Variants in C1orf21 observed in about 807,000 individuals in gnomAD.
The protein encoded by C1orf21 is chromosome 1 open reading frame 21, also known as uncharacterized protein C1orf21.
C1orf21 carries 3 observed loss-of-function variants against 18.7 expected under a neutral mutation model. The ratio of observed to expected loss-of-function variants is 0.16; its 90% confidence interval spans 0.07 to 0.42. C1orf21 has a LOEUF of 0.42. Among genes scored for constraint, C1orf21 ranks in the 10% least tolerant of loss-of-function variants. C1orf21 has a pLI of 0.99. For synonymous variants in C1orf21, 41 were observed against 46.4 expected, an observed-to-expected ratio of 0.88 and a Z score of 0.47; for missense variants, 104 against 143.6, an observed-to-expected ratio of 0.72 and a Z score of 1.41.
chr1:184,479,272 G>A (rs1333014104), intron 2 of C1orf21, among the ~76,000 whole-genome samples: 4 of 151,922 alleles, frequency 2.6e-5, no homozygotes, highest in Admixed American at 2.0e-4. Context: ...ATCCTGAAAC[G>A]CTTGACTTTT....
intron 2 of C1orf21, among the ~76,000 whole-genome samples, chr1:184,486,001 G>A (rs968923910): frequency 2.0e-5 from 3 of 152,182 alleles, no homozygotes; most frequent in African/African-American, 7.2e-5. Flanking sequence ...GAGGAACATG[G>A]TCTTGGGTTT....
At chr1:184,594,591 G>A (rs2102000774) in intron 4 of C1orf21, among the ~76,000 whole-genome samples, 1 of 152,266 alleles carries the variant, frequency 6.6e-6, no homozygotes, top group Non-Finnish European at 1.5e-5. Context: ...AATTCTCTTG[G>A]CCTTGACTCC....
At chr1:184,403,939 A>G (rs1163455388) in intron 1 of C1orf21, among the ~76,000 whole-genome samples, 1 of 152,234 alleles carries the variant, frequency 6.6e-6, no homozygotes, top group African/African-American at 2.4e-5. Context: ...GGTACCATTT[A>G]TGCAAAATAT....
At chr1:184,404,519 GGGCT>G (rs1173888395) in intron 1 of C1orf21, among the ~76,000 whole-genome samples, 5 of 152,110 alleles carry the variant, frequency 3.3e-5, no homozygotes, top group African/African-American at 1.2e-4. Context: ...GTGAGAAAGA[GGGCT>G]GGAGTTGCCC....
chr1:184,465,097 C>A (rs369291233), intron 1 of C1orf21, among the ~76,000 whole-genome samples: 1 of 152,128 alleles, frequency 6.6e-6, no homozygotes, highest in East Asian at 1.9e-4. Flanking sequence ...AAATTAGGAA[C>A]CTTGACCTTA....
intron 1 of C1orf21, among the ~76,000 whole-genome samples, chr1:184,397,919 T>C (rs1656088006): frequency 6.6e-6 from 1 of 152,218 alleles, no homozygotes; most frequent in Non-Finnish European, 1.5e-5. Context: ...ATGATTGCTA[T>C]TTGATTCCAG....
In C1orf21 at chr1:184,620,197, T is replaced by C. The variant is rs934793651; in HGVS notation, c.*641T>C. ...GGCAGGTTGTTTGATTTAATAGGTATCTTAATCAAGAATTAAGCTTGCAAC... is the reference window on the plus strand; with the variant it reads ...GGCAGGTTGTTTGATTTAATAGGTACCTTAATCAAGAATTAAGCTTGCAAC... On this transcript the variant is annotated 3_prime_UTR_variant, in exon 6 of 6. Transcript: ENST00000235307. The C allele has an allele frequency of 2.0e-5, 3 of 152,668 alleles. No individual in the cohort carries two copies. Among genetic ancestry groups the C allele is most frequent in the African/African-American group, 7.2e-5 (3 of 41,462 alleles). The allele number at this position is 152,668 out of a possible 1,614,324, so 9.5% of individuals were successfully genotyped here.
intron 2 of C1orf21, among the ~76,000 whole-genome samples, chr1:184,489,105 T>G (rs1044603596): frequency 2.6e-5 from 4 of 152,192 alleles, no homozygotes; most frequent in African/African-American, 9.6e-5. Flanking sequence ...TAAACTGTGA[T>G]TATATAAAAT....
chr1:184,457,633 T>G (rs1308240315), intron 1 of C1orf21, among the ~76,000 whole-genome samples: 1 of 152,198 alleles, frequency 6.6e-6, no homozygotes, highest in African/African-American at 2.4e-5. Context: ...TCTGGGCTTT[T>G]GCATCTGCTC....
chr1:184,416,373 TAGA>T (rs1656451514), intron 1 of C1orf21, among the ~76,000 whole-genome samples: 1 of 152,168 alleles, frequency 6.6e-6, no homozygotes, highest in Non-Finnish European at 1.5e-5. Flanking sequence ...ATCAAAATGT[TAGA>T]AGGCAGTTGA....
At chr1:184,465,825 T>C (rs1224255445) in intron 1 of C1orf21, among the ~76,000 whole-genome samples, 1 of 152,184 alleles carries the variant, frequency 6.6e-6, no homozygotes, top group Non-Finnish European at 1.5e-5. Flanking sequence ...GTCACACCTT[T>C]AGTGCTCTAT....
intron 3 of C1orf21, among the ~76,000 whole-genome samples, chr1:184,577,100 A>G (rs1659202154): frequency 6.6e-6 from 1 of 151,526 alleles, no homozygotes; most frequent in African/African-American, 2.4e-5. Context: ...ACCTATAAAT[A>G]TATTATGTTA....
At chr1:184,610,413 C>T (rs946653449) in intron 5 of C1orf21, among the ~76,000 whole-genome samples, 35 of 152,198 alleles carry the variant, frequency 2.3e-4, no homozygotes, top group African/African-American at 8.2e-4. Flanking sequence ...GACATCAGTT[C>T]AGTATGGCCA....
At chr1:184,495,344 A>G (rs558105729) in intron 2 of C1orf21, among the ~76,000 whole-genome samples, 1 of 152,106 alleles carries the variant, frequency 6.6e-6, no homozygotes, top group Non-Finnish European at 1.5e-5. Context: ...TGTACCCACC[A>G]TCCCAGTTCA....
intron 5 of C1orf21, among the ~76,000 whole-genome samples, chr1:184,608,762 A>T (rs985888817): frequency 2.6e-5 from 4 of 152,172 alleles, no homozygotes; most frequent in African/African-American, 9.7e-5. Flanking sequence ...CTCAGGCTCC[A>T]TAATAAAGTC....
chr1:184,562,395 A>G (rs1043124920), intron 3 of C1orf21, among the ~76,000 whole-genome samples: 1 of 152,252 alleles, frequency 6.6e-6, no homozygotes, highest in African/African-American at 2.4e-5. Context: ...ATAAACTTGG[A>G]TAAACTACAT....
At chr1:184,435,592 C>T (rs1656844964) in intron 1 of C1orf21, among the ~76,000 whole-genome samples, 1 of 152,194 alleles carries the variant, frequency 6.6e-6, no homozygotes, top group African/African-American at 2.4e-5. Context: ...ATCTGCCCAC[C>T]TTGACCTCCC....
intron 1 of C1orf21, among the ~76,000 whole-genome samples, chr1:184,454,266 A>G (rs1657163055): frequency 6.6e-6 from 1 of 152,186 alleles, no homozygotes; most frequent in African/African-American, 2.4e-5. Flanking sequence ...TGTATGGATA[A>G]TCGCTTATCA....
chr1:184,477,716 T>TAGAATGTGTTA, intron 2 of C1orf21, 113 bp downstream of exon 2: 1 of 778,494 alleles, frequency 1.3e-6, no homozygotes. Context: ...TTTTGTTACA[T>TAGAATGTGTTA]GCCTAGAATG....
Sources: gnomAD v4.1 joint callset for allele counts (sites outside exome capture counted in the v4.1 genomes callset) on GRCh38, gnomAD v4.1.1 for gene constraint, MANE v1.5 for transcripts, NCBI Gene and HGNC (gene_info 2026-07-23, HGNC 2026-07-21) for gene names.